The following PCM1 variants were observed in gnomAD, a reference collection of about 807,000 sequenced individuals.
PCM1 encodes pericentriolar material 1 protein.
Under a neutral mutation model 241.9 loss-of-function variants are expected in PCM1, and 157 were observed. The ratio of observed to expected loss-of-function variants is 0.65; its 90% CI spans 0.57 to 0.74. The LOEUF is 0.74. Among genes scored for constraint, PCM1 ranks in the 30% least tolerant of loss-of-function variants. The probability of loss-of-function intolerance (pLI) is 0.00; values close to 1 mark genes in which losing one functional copy is unlikely to be tolerated. For synonymous variants in PCM1, 1,085 were observed against 784.9 expected (o/e 1.38, Z -6.39); for missense variants, 3,478 against 2,360.1 (o/e 1.47, Z -9.81).
intron 7 of PCM1, among the ~76,000 whole-genome samples, chr8:17,949,881 A>G (rs577902415): frequency 5.3e-5 from 8 of 152,302 alleles, no homozygotes; most frequent in African/African-American, 1.7e-4. Flanking sequence ...TATCATGAAA[A>G]TTGTTGTCAC....
chr8:17,993,418 A>C lies in PCM1; in HGVS notation c.4691-65A>C. 3 of 1,067,284 alleles carry C rather than the reference A, an allele frequency of 2.8e-6. No homozygotes were observed. In the East Asian group the frequency reaches 8.8e-5, roughly 31 times the overall value. 66.1% of individuals were successfully genotyped at this position (1,067,284 alleles called of 1,614,324 possible). On this transcript the variant is annotated intron_variant, in intron 28 of 38. Transcript: ENST00000325083. ...AATTTAATATTTTTCAAATTTCAAC[A>C]TAAAGGCATATATGTATATATAATA...
intron 16 of PCM1, among the ~76,000 whole-genome samples, chr8:17,962,401 A>C (rs1378207616): frequency 6.6e-6 from 1 of 152,126 alleles, no homozygotes; most frequent in African/African-American, 2.4e-5. Context: ...AGTTTTAAAT[A>C]ATTTTTTCTA....
intron 17 of PCM1, among the ~76,000 whole-genome samples, chr8:17,964,101 T>C (rs986519043): frequency 2.0e-5 from 3 of 152,212 alleles, no homozygotes; most frequent in Admixed American, 6.5e-5. Context: ...CCACTAGATA[T>C]AGGTGGTTAT....
At chr8:18,011,416 CA>C in intron 33 of PCM1, 50 bp downstream of exon 33, 6 of 1,412,188 alleles carry the variant, frequency 4.2e-6, no homozygotes, top group Non-Finnish European at 4.7e-6. Context: ...TTTTGTAGGT[CA>C]TTTATTGGAA....
At chr8:17,925,124 C>G (rs1251033176) in intron 2 of PCM1, 3 of 152,200 alleles carry the variant, frequency 2.0e-5, no homozygotes, top group Non-Finnish European at 4.4e-5. Flanking sequence ...ATCTCAAGTT[C>G]TCTCCTACAA....
intron 29 of PCM1, among the ~76,000 whole-genome samples, chr8:17,999,692 A>G (rs866924587): frequency 6.6e-6 from 1 of 152,164 alleles, no homozygotes; most frequent in Non-Finnish European, 1.5e-5. Flanking sequence ...CAGCAATACA[A>G]AGTTAAAAGC....
At chr8:17,952,945 T>C (rs1474927768) in intron 8 of PCM1, 25 bp from the exon 9 acceptor site, 1 of 1,424,556 alleles carries the variant, frequency 7.0e-7, no homozygotes, top group Non-Finnish European at 9.5e-7. Flanking sequence ...TTAATTCTTC[T>C]TTTTTGTTGT....
At chr8:17,942,006 T>A (rs1334457108) in intron 6 of PCM1, among the ~76,000 whole-genome samples, 1 of 152,232 alleles carries the variant, frequency 6.6e-6, no homozygotes, top group Non-Finnish European at 1.5e-5. Context: ...TACTGTTTTT[T>A]TTCTACTTTG....
At chr8:17,955,408 T>C in intron 9 of PCM1, 62 bp from the exon 10 acceptor site, 1 of 1,127,756 alleles carries the variant, frequency 8.9e-7, no homozygotes, top group Non-Finnish European at 1.2e-6. Flanking sequence ...AAGCCAACTG[T>C]ATGTGTTTGT....
intron 6 of PCM1, among the ~76,000 whole-genome samples, chr8:17,945,006 A>G (rs1339857172): frequency 2.0e-5 from 3 of 152,110 alleles, no homozygotes; most frequent in Non-Finnish European, 4.4e-5. Flanking sequence ...CCTAATTATA[A>G]TTTATGCTTT....
At chr8:17,943,197 G>GGT (rs2062742265) in intron 6 of PCM1, among the ~76,000 whole-genome samples, 1 of 82,182 alleles carries the variant, frequency 1.2e-5, no homozygotes, top group Admixed American at 1.1e-4. Flanking sequence ...TTTTTTTTTT[G>GGT]GTGTGTGTGG....
intron 31 of PCM1, 113 bp from the exon 32 acceptor site, chr8:18,010,496 C>T: frequency 1.5e-6 from 1 of 688,916 alleles, no homozygotes; most frequent in Non-Finnish European, 2.4e-6. Context: ...GAAAGTAATA[C>T]AGGCCAGGCT....
At chr8:18,017,596 G>A (rs961812101) in intron 36 of PCM1, among the ~76,000 whole-genome samples, 16 of 152,314 alleles carry the variant, frequency 1.1e-4, no homozygotes, top group African/African-American at 3.6e-4. Flanking sequence ...GTTCATGCCT[G>A]TAATCCCAGC....
At chr8:17,926,743 T>A (rs986824272) in intron 2 of PCM1, 1 of 152,068 alleles carries the variant, frequency 6.6e-6, no homozygotes, top group African/African-American at 2.4e-5. Flanking sequence ...GATTGATGGA[T>A]TTAGGGAGAG....
At chr8:18,013,731 G>A (rs547510274) in intron 34 of PCM1, 69 of 418,734 alleles carry the variant, frequency 1.6e-4, no homozygotes, top group African/African-American at 4.0e-4. Flanking sequence ...CAGTCTGTTC[G>A]TTCCAGTTGT....
chr8:17,955,719 T>TA lies in PCM1; in HGVS notation c.1472+67dup, dbSNP rs1554658838. 874 of 1,251,500 alleles carry TA rather than the reference T, an allele frequency of 7.0e-4. 5 individuals are homozygous for TA. The African/African-American group carries it at 0.011, about 16-fold the overall frequency. 77.5% of individuals were successfully genotyped at this position (1,251,500 alleles called of 1,614,324 possible). A position where few individuals can be genotyped will look rare whatever the true frequency, so the allele number is the denominator to read the frequency against. On this transcript the variant is annotated intron_variant, in intron 10 of 38. Transcript: ENST00000325083. ...TAGGGATAAATTCTGTTTTTTTTTT[T>TA]ATGTTGAAAATTCTGCAAAACGAGA...
chr8:17,978,075 T>G (rs2079379536), intron 23 of PCM1, among the ~76,000 whole-genome samples: 1 of 152,178 alleles, frequency 6.6e-6, no homozygotes, highest in South Asian at 2.1e-4. Flanking sequence ...ATAAGCAGAT[T>G]GAATTATAAC....
intron 13 of PCM1, among the ~76,000 whole-genome samples, chr8:17,958,754 C>T (rs1245736900): frequency 6.6e-6 from 1 of 152,064 alleles, no homozygotes; most frequent in East Asian, 1.9e-4. Context: ...CAAGGTCTTG[C>T]TCTGTCACCC....
rs1440444281 is a variant in PCM1 at position 17,956,606 on chromosome 8, A to G, written c.1475A>G (p.Lys492Arg). ...TACATAAATTTTTTGTTTATCAGGA[A>G]GTTAAATGAAGTTCGAAAGAGATTG... ...GHLNPSEKLQ[K>R]LNEVRKRLNE... The change falls in exon 11 of 39, where the codon AAG becomes AGG. Residue 492 changes from lysine to arginine, a missense_variant and splice_region_variant. By Grantham distance (26) the Lys-to-Arg change is conservative. Transcript: ENST00000325083. The G allele has an allele frequency of 5.1e-6, 8 of 1,571,884 alleles. No homozygotes were observed. Among genetic ancestry groups the G allele is most frequent in the African/African-American group, 4.1e-5 (3 of 73,650 alleles).
Sources: gnomAD v4.1 joint callset for allele counts (sites outside exome capture counted in the v4.1 genomes callset) on GRCh38, gnomAD v4.1.1 for gene constraint, MANE v1.5 for transcripts, NCBI Gene and HGNC (gene_info 2026-07-23, HGNC 2026-07-21) for gene names.